Variants in ANKH observed in about 807,000 individuals in gnomAD.
ANKH encodes the protein ANKH inorganic pyrophosphate transport regulator.
Under a neutral mutation model 49.0 loss-of-function variants are expected in ANKH, and 15 were observed. The observed-to-expected ratio is 0.31, with a 90% CI of 0.20 to 0.47. ANKH has a LOEUF of 0.47. ANKH is among the 20% of genes least tolerant of loss of function. The pLI is 1.00. For synonymous variants in ANKH, 273 were observed against 260.0 expected, an observed-to-expected ratio of 1.05 and a Z score of -0.48; for missense variants, 429 against 652.0, an observed-to-expected ratio of 0.66 and a Z score of 3.72.
intron 1 of ANKH, among the ~76,000 whole-genome samples, chr5:14,808,474 A>G (rs1044045045): frequency 6.6e-6 from 1 of 152,208 alleles, no homozygotes; most frequent in Non-Finnish European, 1.5e-5. Flanking sequence ...AACAAAGTTT[A>G]AAAAGAAAGG....
At chr5:14,792,019 C>T (rs1204063563) in intron 1 of ANKH, among the ~76,000 whole-genome samples, 1 of 152,148 alleles carries the variant, frequency 6.6e-6, no homozygotes, top group East Asian at 1.9e-4. Flanking sequence ...GGCTCTGATT[C>T]GATCAGCAAG....
At chr5:14,771,845 T>A (rs1284809173) in intron 1 of ANKH, among the ~76,000 whole-genome samples, 1 of 137,824 alleles carries the variant, frequency 7.3e-6, no homozygotes, top group Non-Finnish European at 1.5e-5. Flanking sequence ...ACCCGGGAGG[T>A]GGAGGTTGCG....
At chr5:14,800,441 A>AG (rs953211650) in intron 1 of ANKH, among the ~76,000 whole-genome samples, 1 of 152,226 alleles carries the variant, frequency 6.6e-6, no homozygotes, top group African/African-American at 2.4e-5. Flanking sequence ...CTTTCATGAA[A>AG]GGAAGAGTCA....
intron 3 of ANKH, among the ~76,000 whole-genome samples, chr5:14,756,184 A>G (rs1738878302): frequency 6.6e-6 from 1 of 152,216 alleles, no homozygotes; most frequent in South Asian, 2.1e-4. Flanking sequence ...TACCAATTGT[A>G]TGTAGACTAG....
chr5:14,798,459 C>T (rs1740460291), intron 1 of ANKH: 1 of 1,407,482 alleles, frequency 7.1e-7, no homozygotes, highest in Non-Finnish European at 9.7e-7. Flanking sequence ...GGCAGGGAGG[C>T]TGCAGGCGTT....
chr5:14,757,753 T>C (rs1462275871), intron 3 of ANKH, among the ~76,000 whole-genome samples: 2 of 152,178 alleles, frequency 1.3e-5, no homozygotes, highest in Admixed American at 1.3e-4. Flanking sequence ...TCCTGCCACC[T>C]ACCAGAACTT....
intron 1 of ANKH, chr5:14,797,855 C>A (rs926566608): frequency 1.3e-5 from 21 of 1,611,588 alleles, no homozygotes; most frequent in Non-Finnish European, 1.6e-5. Context: ...TCCAAGAAAG[C>A]CCATAGCCTT....
chr5:14,732,833 C>T lies in ANKH; in HGVS notation c.1011+8994G>A, dbSNP rs141794954. On this transcript the variant is annotated intron_variant, in intron 8 of 11. Transcript: ENST00000284268. ...CCAAGCCCTGTGGCTCCAGGGCCCACAGCTATAAGCACCAAGCTATGTAGC... is the reference window on the plus strand; with the variant it reads ...CCAAGCCCTGTGGCTCCAGGGCCCATAGCTATAAGCACCAAGCTATGTAGC... Among the ~76,000 whole-genome samples the T allele has an allele frequency of 7.2e-4, 109 of 152,310 alleles. 5 individuals are homozygous for T. In the East Asian group the frequency reaches 0.02, roughly 28 times the overall value.
At chr5:14,804,411 T>TTC (rs1185464420) in intron 1 of ANKH, among the ~76,000 whole-genome samples, 3 of 152,218 alleles carry the variant, frequency 2.0e-5, no homozygotes, top group Non-Finnish European at 4.4e-5. Flanking sequence ...GGCATCCTCT[T>TTC]TCCTTTGTGC....
chr5:14,756,050 A>C, intron 3 of ANKH, 106 bp from the exon 4 acceptor site: 3 of 951,294 alleles, frequency 3.2e-6, no homozygotes, highest in Non-Finnish European at 5.0e-6. Context: ...ATACCCCCTC[A>C]AAGCCTTAGC....
intron 9 of ANKH, among the ~76,000 whole-genome samples, chr5:14,714,316 A>T (rs548021760): frequency 2.2e-4 from 33 of 152,294 alleles, no homozygotes; most frequent in African/African-American, 7.9e-4. Context: ...GAGCTGCAGG[A>T]GGGCCATGGG....
intron 2 of ANKH, among the ~76,000 whole-genome samples, chr5:14,759,314 T>C (rs931911222): frequency 6.6e-6 from 1 of 152,188 alleles, no homozygotes; most frequent in Non-Finnish European, 1.5e-5. Context: ...GCTGAATGAA[T>C]GCATATGTGT....
intron 1 of ANKH, among the ~76,000 whole-genome samples, chr5:14,860,177 A>G (rs1034643453): frequency 1.3e-5 from 2 of 152,220 alleles, no homozygotes; most frequent in Non-Finnish European, 2.9e-5. Context: ...GCAAGGCTGC[A>G]TCCAAAACCA....
chr5:14,866,558 G>A (rs1735652239), intron 1 of ANKH, among the ~76,000 whole-genome samples: 1 of 152,066 alleles, frequency 6.6e-6, no homozygotes, highest in South Asian at 2.1e-4. Context: ...CTTTGGACAT[G>A]GTGAGATCAA....
At chr5:14,757,430 A>ATATATTTTTTTTT (rs1379233165) in intron 3 of ANKH, among the ~76,000 whole-genome samples, 1 of 113,818 alleles carries the variant, frequency 8.8e-6, no homozygotes, top group African/African-American at 3.3e-5. Context: ...ATATATATAT[A>ATATATTTTTTTTT]TTTTTTTTTT....
At chr5:14,797,111 G>A (rs1237869560) in intron 1 of ANKH, 1 of 1,352,570 alleles carries the variant, frequency 7.4e-7, no homozygotes, top group South Asian at 1.2e-5. Context: ...ATCACAAGAA[G>A]TAAAGACATA....
intron 1 of ANKH, chr5:14,797,903 T>C (rs878944005): frequency 1.6e-5 from 25 of 1,610,356 alleles, no homozygotes; most frequent in Middle Eastern, 1.8e-4. Flanking sequence ...CTGGGTTGCA[T>C]TCTCCAGAAG....
In ANKH at chr5:14,867,072, G is replaced by A. The variant is rs537227451; in HGVS notation, c.96+4280C>T. Among the ~76,000 whole-genome samples, 488 of 148,736 alleles carry A rather than the reference G, an allele frequency of 3.3e-3. 5 individuals carry two copies. The highest frequency in any genetic ancestry group is 0.012 in the African/African-American group (474 of 40,406). On this transcript the variant is annotated intron_variant, in intron 1 of 11. Transcript: ENST00000284268. ...CTCGGGGGACTGAGGCAGGAGAATC[G>A]CTTGAGCCTGGGAAATGGTGGCTGC...
intron 1 of ANKH, among the ~76,000 whole-genome samples, chr5:14,772,947 A>C (rs1739494569): frequency 6.6e-6 from 1 of 152,200 alleles, no homozygotes; most frequent in East Asian, 1.9e-4. Context: ...TGGGGTGTGT[A>C]AGATCAGTGT....
Sources: allele counts gnomAD v4.1 joint callset (sites outside exome capture counted in the v4.1 genomes callset), GRCh38; gene constraint gnomAD v4.1.1; transcripts MANE v1.5; gene names NCBI Gene and HGNC (gene_info 2026-07-23, HGNC 2026-07-21).